EBF2: variants seen among roughly 807,000 people sequenced by gnomAD.
EBF2 encodes transcription factor COE2.
A neutral mutation model predicts 72.8 loss-of-function variants in EBF2; 21 were observed. The ratio of observed to expected loss-of-function variants is 0.29; its 90% CI spans 0.20 to 0.42. EBF2 has a LOEUF of 0.42. Among genes scored for constraint, EBF2 ranks in the 10% least tolerant of loss-of-function variants. EBF2 has a pLI of 1.00. For missense variants in EBF2, 637 were observed against 731.2 expected (o/e 0.87, Z 1.49); for synonymous variants, 299 against 274.2 (o/e 1.09, Z -0.89).
At chr8:25,878,407 T>C (rs1193939690) in intron 10 of EBF2, among the ~76,000 whole-genome samples, 1 of 152,168 alleles carries the variant, frequency 6.6e-6, no homozygotes, top group African/African-American at 2.4e-5. Flanking sequence ...GCCATGGCTC[T>C]CCAGGTGACC....
In EBF2 at chr8:26,044,724, G is replaced by C; in HGVS notation, c.131+5C>G. 2 of 1,613,722 alleles carry C rather than the reference G, an allele frequency of 1.2e-6. No individual in the cohort carries two copies. The highest frequency in any genetic ancestry group is 8.5e-7 in the Non-Finnish European group (1 of 1,179,812). ...AGCATAATAATTGCGCGGCCGTGTC[G>C]TTACCTCTGCGCGGCGACATTAGCG... On this transcript the variant is annotated splice_donor_5th_base_variant and intron_variant, in intron 1 of 15. Transcript: ENST00000520164. The surrounding 1 kb of genome is among the most constrained non-coding windows in gnomAD (Gnocchi z 4.1).
chr8:25,845,500 A>G (rs1801814604), intron 15 of EBF2, among the ~76,000 whole-genome samples: 1 of 152,212 alleles, frequency 6.6e-6, no homozygotes, highest in South Asian at 2.1e-4. Context: ...TGTTGGGATT[A>G]CAGGCATGAG....
chr8:25,895,599 G>A (rs552465231), intron 7 of EBF2, among the ~76,000 whole-genome samples: 6 of 152,260 alleles, frequency 3.9e-5, no homozygotes, highest in Admixed American at 1.3e-4. Context: ...AAAACCGATC[G>A]GCTTTCTCAA....
chr8:26,023,715 A>T (rs1364854129), intron 6 of EBF2, among the ~76,000 whole-genome samples: 1 of 152,196 alleles, frequency 6.6e-6, no homozygotes, highest in Non-Finnish European at 1.5e-5. Flanking sequence ...CTTCCCAGTG[A>T]ACAAAGAAGA....
chr8:25,934,538 T>C (rs1305232737), intron 6 of EBF2, among the ~76,000 whole-genome samples: 1 of 152,146 alleles, frequency 6.6e-6, no homozygotes, highest in Non-Finnish European at 1.5e-5. Flanking sequence ...ATTCAGCCCA[T>C]GGACTCACAA....
At chr8:26,037,196 A>G (rs1393520449) in intron 5 of EBF2, among the ~76,000 whole-genome samples, 1 of 152,190 alleles carries the variant, frequency 6.6e-6, no homozygotes, top group Non-Finnish European at 1.5e-5. Context: ...GTGGGGAAAT[A>G]TGAGAACTCT....
At chr8:25,983,261 CATT>C (rs1804392756) in intron 6 of EBF2, among the ~76,000 whole-genome samples, 1 of 152,112 alleles carries the variant, frequency 6.6e-6, no homozygotes, top group African/African-American at 2.4e-5. Context: ...AAATGTGCAT[CATT>C]GAGTGTGAAA....
intron 6 of EBF2, among the ~76,000 whole-genome samples, chr8:25,913,586 G>C (rs1310396794): frequency 6.6e-6 from 1 of 152,114 alleles, no homozygotes; most frequent in Non-Finnish European, 1.5e-5. Flanking sequence ...CCTTAAAAAA[G>C]AATCTAATTC....
intron 10 of EBF2, among the ~76,000 whole-genome samples, chr8:25,884,797 C>T (rs1241690006): frequency 6.6e-6 from 1 of 152,118 alleles, no homozygotes; most frequent in Non-Finnish European, 1.5e-5. Flanking sequence ...GTGCTTATCT[C>T]AGGACAGAAA....
intron 6 of EBF2, among the ~76,000 whole-genome samples, chr8:26,025,904 GC>G (rs57560919): frequency 6.6e-6 from 1 of 152,226 alleles, no homozygotes; most frequent in African/African-American, 2.4e-5. Context: ...GAGTGCAGCA[GC>G]CCACACCAGT....
chr8:26,017,086 T>C (rs562825027), intron 6 of EBF2, among the ~76,000 whole-genome samples: 1 of 152,062 alleles, frequency 6.6e-6, no homozygotes, highest in Non-Finnish European at 1.5e-5. Flanking sequence ...CCAGACTCAT[T>C]GTCAGTATCT....
At chr8:26,002,943 C>T (rs1790365112) in intron 6 of EBF2, among the ~76,000 whole-genome samples, 1 of 12,564 alleles carries the variant, frequency 8.0e-5, no homozygotes, top group African/African-American at 2.4e-4. Flanking sequence ...GGCAGGCAGG[C>T]GGGCGGGCAG....
intron 12 of EBF2, 26 bp from the exon 13 acceptor site, chr8:25,861,252 C>A (rs1375694621): frequency 5.0e-6 from 8 of 1,613,378 alleles, no homozygotes; most frequent in Non-Finnish European, 6.8e-6. Context: ...TTAATGTGAG[C>A]ATTCTATCCA....
At chr8:25,930,883 A>C (rs1332346258) in intron 6 of EBF2, among the ~76,000 whole-genome samples, 1 of 152,186 alleles carries the variant, frequency 6.6e-6, no homozygotes, top group Non-Finnish European at 1.5e-5. Flanking sequence ...GATTGGATTG[A>C]GTCTTAAATC....
rs1801793540 is a variant in EBF2 at position 25,844,552 on chromosome 8, C to CT, written c.*56dup. 2.5e-6 allele frequency: 4 copies of CT among 1,603,258 alleles called. No homozygotes were observed. Among genetic ancestry groups the CT allele is most frequent in the Admixed American group, 1.7e-5 (1 of 59,936 alleles). On this transcript the variant is annotated 3_prime_UTR_variant, in exon 16 of 16. Coordinates refer to ENST00000520164, the MANE Select transcript of EBF2 (RefSeq NM_022659.4). ...CCCCCAAAAGAGCTCCTAGTGCTTT[C>CT]TTCATTATTGGTCCATCAGAGTAAG...
intron 6 of EBF2, among the ~76,000 whole-genome samples, chr8:25,911,471 G>C (rs1325459271): frequency 6.6e-6 from 1 of 152,076 alleles, no homozygotes; most frequent in East Asian, 1.9e-4. Context: ...ATGGCAATCC[G>C]GTCCCTAGGT....
Position 25,842,916 on chromosome 8 carries a change from C to T in EBF2, c.*1693G>A, listed in dbSNP as rs1474882096. On this transcript the variant is annotated 3_prime_UTR_variant, in exon 16 of 16. Transcript: ENST00000520164. ...TAATGCTGAAATCCCAACCAAGAAC[C>T]CCAAACTAAGTCTGTGTATAGACTC... 1.3e-5 allele frequency: 2 copies of T among 152,134 alleles called. No individual in the cohort carries two copies. The highest frequency in any genetic ancestry group is 2.9e-5 in the Non-Finnish European group (2 of 68,032). The allele number at this position is 152,134 out of a possible 1,614,324, so 9.4% of individuals were successfully genotyped here.
rs1195546621 is a variant in EBF2, at chr8:26,042,124, C to T, written c.259G>A (p.Ala87Thr). Residue 87 changes from alanine (A) to threonine (T), a missense_variant, in exon 2 of 16, where the codon GCC (alanine) becomes ACC (threonine). Ala to Thr is a moderately conservative substitution (Grantham distance 58). Around this residue, in one of 3 missense-constraint regions of EBF2, gnomAD observed 174 missense variants for 161.9 expected, o/e 1.07. Transcript: ENST00000520164. ...QGQPVEIERT[A>T]FVDFVENDKE... ...TCATTCTCCACAAAGTCCACGAAGG[C>T]CGTCCGCTCGATCTCCACCGGCTGG... is the stretch of plus-strand genomic sequence containing the variant. 4 of 1,614,102 alleles carry T rather than the reference C, an allele frequency of 2.5e-6. No homozygotes were observed. Among genetic ancestry groups the T allele is most frequent in the Non-Finnish European group, 3.4e-6 (4 of 1,180,004 alleles).
At chr8:25,869,952 C>T (rs4490842) in intron 10 of EBF2, among the ~76,000 whole-genome samples, 42,607 of 151,842 alleles carry the variant, frequency 0.28, 6,163 homozygotes, top group South Asian at 0.4. Context: ...ACTCCAAAGC[C>T]TGTGCTCTTA....
Sources: gnomAD v4.1 joint callset for allele counts (sites outside exome capture counted in the v4.1 genomes callset) on GRCh38, gnomAD v4.1.1 for gene constraint, gnomAD v4.1.1 regional missense constraint, Gnocchi (gnomAD v3.1) non-coding constraint, MANE v1.5 for transcripts, NCBI Gene and HGNC (gene_info 2026-07-23, HGNC 2026-07-21) for gene names.